Variants in MOCS1 observed in about 807,000 individuals in gnomAD.
The protein encoded by MOCS1 is molybdenum cofactor synthesis 1.
MOCS1 carries 39 observed loss-of-function variants against 57.6 expected under a neutral mutation model. The ratio of observed to expected loss-of-function variants is 0.68; its 90% CI spans 0.52 to 0.88. The LOEUF (loss-of-function observed/expected upper bound fraction) is 0.88. MOCS1 is among the 40% of genes least tolerant of loss of function. The pLI, the probability that MOCS1 is intolerant of heterozygous loss-of-function variation, is 0.00. For missense variants in MOCS1, 795 were observed against 831.1 expected (o/e 0.96, Z 0.53); for synonymous variants, 334 against 335.7 (o/e 1.00, Z 0.05).
chr6:39,913,438 G>T lies in MOCS1; in HGVS notation c.646-10C>A. 6.2e-7 allele frequency: 1 copy of T among 1,611,190 alleles called. No individual in the cohort carries two copies. Among genetic ancestry groups the T allele is most frequent in the Non-Finnish European group, 8.5e-7 (1 of 1,177,348 alleles). On this transcript the variant is annotated splice_polypyrimidine_tract_variant and intron_variant, in intron 5 of 10. Coordinates refer to ENST00000340692, the MANE Select transcript of MOCS1 (RefSeq NM_001358530.2). ...TCACCACACAGTTCACCTGGCCGGG[G>T]AACAATGGGACCATGAGGGCTGTGC...
chr6:39,911,875 G>A (rs1346652681), intron 8 of MOCS1, among the ~76,000 whole-genome samples: 1 of 152,214 alleles, frequency 6.6e-6, no homozygotes, highest in Non-Finnish European at 1.5e-5. Flanking sequence ...GAATGCACAG[G>A]ACATGCTTGT....
intron 4 of MOCS1, among the ~76,000 whole-genome samples, chr6:39,914,164 T>C (rs1365498999): frequency 1.3e-5 from 2 of 152,264 alleles, no homozygotes; most frequent in Admixed American, 1.3e-4. Flanking sequence ...TAATGTTCCC[T>C]ATCATTAACT....
intron 1 of MOCS1, among the ~76,000 whole-genome samples, chr6:39,931,940 C>T (rs1030804935): frequency 3.3e-5 from 5 of 152,150 alleles, no homozygotes; most frequent in African/African-American, 4.8e-5. Flanking sequence ...ACCCCAGATG[C>T]AGGCTGGCAG....
chr6:39,927,479 A>C, intron 1 of MOCS1, 24 bp from the exon 2 acceptor site: 1 of 1,610,166 alleles, frequency 6.2e-7, no homozygotes, highest in Middle Eastern at 1.7e-4. Context: ...CCAGGGAGGA[A>C]GCATGGGCCC....
Position 39,906,992 on chromosome 6 carries a change from C to G in MOCS1, c.1276G>C (p.Gly426Arg), listed in dbSNP as rs777405686. ...GGAGGGGTCTGGGGGACCCTGCATC[C>G]TTTCCATAAAGTGGCCACCTGGCTG... ...FSSQVATLWK[G>R]CRVPQTPPLA... Residue 426 changes from glycine (G) to arginine (R), a missense_variant, in exon 11 of 11, where the codon GGA (glycine) becomes CGA (arginine). By Grantham distance (125) the Gly-to-Arg change is moderately radical (BLOSUM62 -2). Coordinates refer to ENST00000340692, the MANE Select transcript of MOCS1 (RefSeq NM_001358530.2). 3 of 1,614,098 alleles carry G rather than the reference C, an allele frequency of 1.9e-6. No homozygotes were observed. The Admixed American group carries it at 5.0e-5, about 27-fold the overall frequency.
chr6:39,918,095 C>T (rs1330821047), intron 3 of MOCS1, among the ~76,000 whole-genome samples: 2 of 152,210 alleles, frequency 1.3e-5, no homozygotes, highest in African/African-American at 4.8e-5. Flanking sequence ...CTTTCTATAA[C>T]AAACACGTTT....
chr6:39,927,767 C>T lies in MOCS1; in HGVS notation c.124-312G>A, dbSNP rs534095190. On this transcript the variant is annotated intron_variant, in intron 1 of 10. Coordinates refer to ENST00000340692, the MANE Select transcript of MOCS1 (RefSeq NM_001358530.2). Reference sequence around the variant, plus strand: ...GTGGGGAAATCTATTAGCCCTTATTCTTCACTCTAGCCAGTGCCAAAAAAA... The same window carrying T: ...GTGGGGAAATCTATTAGCCCTTATTTTTCACTCTAGCCAGTGCCAAAAAAA... The T allele has an allele frequency of 3.9e-3, 5,702 of 1,474,178 alleles. 19 individuals are homozygous for T. The highest frequency in any genetic ancestry group is 0.013 in the Middle Eastern group (51 of 4,064). 91.3% of individuals were successfully genotyped at this position (1,474,178 alleles called of 1,614,324 possible). A position where few individuals can be genotyped will look rare whatever the true frequency, so the allele number is the denominator to read the frequency against.
intron 3 of MOCS1, among the ~76,000 whole-genome samples, chr6:39,923,426 G>A (rs898358187): frequency 2.4e-4 from 36 of 152,214 alleles, no homozygotes; most frequent in Non-Finnish European, 1.2e-4. Flanking sequence ...GGGGTTTCCC[G>A]GGAGAGCCCC....
At position 39,906,847 on chromosome 6, in the gene MOCS1, C is replaced by T. The variant is rs1275332879; in HGVS notation, c.1421G>A (p.Gly474Glu). The change falls in exon 11 of 11, where the codon GGA becomes GAA. Residue 474 changes from glycine (G) to glutamate (E), a missense_variant. By Grantham distance (98) the Gly-to-Glu change is moderately conservative (BLOSUM62 -2). This residue lies in a region of MOCS1 where 374 missense variants were observed against 422.6 expected (regional missense o/e 0.89). Coordinates refer to ENST00000340692, the MANE Select transcript of MOCS1 (RefSeq NM_001358530.2). The stretch of plus-strand genomic sequence containing the variant: ...TAGTTGTTCTGAGGTTAGCTGGGGT[C>T]CTGAGGGGGCAGCAGAAGCCCAGGA... ...PGSWASAAPSGPQLTSEQLTH... is the reference protein window; with the variant it reads ...PGSWASAAPSEPQLTSEQLTH... The T allele has an allele frequency of 3.7e-6, 6 of 1,614,190 alleles. No homozygotes were observed. Among genetic ancestry groups the T allele is most frequent in the East Asian group, 2.2e-5 (1 of 44,876 alleles).
At position 39,906,754 on chromosome 6, in the gene MOCS1, AC is replaced by A. The variant is rs1223918619; in HGVS notation, c.1513del (p.Val505TrpfsTer13). Reference sequence around the variant, plus strand: ...GAGGACCACGGCTGAAGCCACAGCCACCCGCTCTGTGTCTGGCTTCCTGCCC... The same window carrying A: ...GAGGACCACGGCTGAAGCCACAGCCACCGCTCTGTGTCTGGCTTCCTGCCC... ...DVGRKPDTERVAVASAVVLLG... is the reference protein window; with the variant it reads ...DVGRKPDTERXAVASAVVLLG... On this transcript the variant is annotated frameshift_variant, in exon 11 of 11. Coordinates refer to ENST00000340692, the MANE Select transcript of MOCS1 (RefSeq NM_001358530.2). LOFTEE classifies it high-confidence loss of function. The A allele has an allele frequency of 6.2e-7, 1 of 1,614,164 alleles. No individual in the cohort carries two copies. Among genetic ancestry groups the A allele is most frequent in the Non-Finnish European group, 8.5e-7 (1 of 1,180,032 alleles).
chr6:39,909,814 C>A (rs778425508), intron 9 of MOCS1, 21 bp downstream of exon 9: 3 of 1,611,254 alleles, frequency 1.9e-6, no homozygotes, highest in African/African-American at 1.3e-5. Context: ...TCCAGGCCAG[C>A]CCTCCCCACC....
chr6:39,928,531 AC>A (rs1394976051), intron 1 of MOCS1, among the ~76,000 whole-genome samples: 1 of 152,190 alleles, frequency 6.6e-6, no homozygotes, highest in African/African-American at 2.4e-5. Context: ...GAGGATGACA[AC>A]TAGGGTGGGT....
At chr6:39,913,914 C>A in intron 4 of MOCS1, 79 bp from the exon 5 acceptor site, 1 of 1,413,132 alleles carries the variant, frequency 7.1e-7, no homozygotes, top group Non-Finnish European at 1.0e-6. Context: ...AGCACCAGAG[C>A]CCATCTAGTC....
At position 39,924,908 on chromosome 6, in the gene MOCS1, G is replaced by C. The variant is rs939790102; in HGVS notation, c.418+770C>G. Among the ~76,000 whole-genome samples, 4 of 152,056 alleles carry C rather than the reference G, an allele frequency of 2.6e-5. 1 individual carries two copies. The South Asian group carries it at 6.2e-4, about 24-fold the overall frequency. ...AGCTTAGCCAACATGGTGAAACCCCGTCTCTGCTAAAAACACAAAAAATTA... is the reference window on the plus strand; with the variant it reads ...AGCTTAGCCAACATGGTGAAACCCCCTCTCTGCTAAAAACACAAAAAATTA... On this transcript the variant is annotated intron_variant, in intron 3 of 10. Transcript: ENST00000340692.
At chr6:39,924,709 C>T (rs79898232) in intron 3 of MOCS1, among the ~76,000 whole-genome samples, 2,556 of 152,312 alleles carry the variant, frequency 0.017, 35 homozygotes, top group Middle Eastern at 0.041. Context: ...TTAATAGACA[C>T]TGAACATATA....
chr6:39,905,928 C>T lies in MOCS1; in HGVS notation c.*429G>A. ...TCAGGCAAGCTTGTGCTTTGCTCTCCTCAAAGTGGGCTCCTCTGCTTAATG... is the reference window on the plus strand; with the variant it reads ...TCAGGCAAGCTTGTGCTTTGCTCTCTTCAAAGTGGGCTCCTCTGCTTAATG... On this transcript the variant is annotated 3_prime_UTR_variant, in exon 11 of 11. Coordinates refer to ENST00000340692, the MANE Select transcript of MOCS1 (RefSeq NM_001358530.2). 2.2e-6 allele frequency: 1 copy of T among 464,022 alleles called. No individual in the cohort carries two copies. Among genetic ancestry groups the T allele is most frequent in the Non-Finnish European group, 4.4e-6 (1 of 227,506 alleles). 28.7% of individuals were successfully genotyped at this position (464,022 alleles called of 1,614,324 possible).
In MOCS1 at chr6:39,913,337, A is replaced by T; in HGVS notation, c.737T>A (p.Ile246Lys). 1 of 1,614,086 alleles carries T rather than the reference A, an allele frequency of 6.2e-7. No individual in the cohort carries two copies. Among genetic ancestry groups the T allele is most frequent in the Non-Finnish European group, 8.5e-7 (1 of 1,179,950 alleles). The change falls in exon 6 of 11, where the codon ATA becomes AAA. Residue 246 changes from isoleucine to lysine, a missense_variant. Around this residue, in one of 3 missense-constraint regions of MOCS1, gnomAD observed 416 missense variants for 392.4 expected, o/e 1.06. Transcript: ENST00000340692. The part of the protein sequence containing the change: ...TEGLPLDVRF[I>K]EYMPFDGNKW... ...CTGACCATCAAAGGGCATATACTCT[A>T]TGAAGCGCACATCCAGGGGGAGGCC...
chr6:39,931,973 C>T (rs1276835243), intron 1 of MOCS1, among the ~76,000 whole-genome samples: 2 of 152,154 alleles, frequency 1.3e-5, no homozygotes, highest in African/African-American at 2.4e-5. Flanking sequence ...CCCCCACCCA[C>T]CTCCCCATTG....
rs766980859 is a variant in MOCS1, at chr6:39,909,857, G to A, written c.1080C>T (p.Gly360=). 7.4e-6 allele frequency: 12 copies of A among 1,613,512 alleles called. No homozygotes were observed. In the Admixed American group the frequency reaches 8.3e-5, roughly 11 times the overall value. The part of the protein sequence containing the change: ...ELLRIIGAAV[G]RKKRQHAGMF... ...TACCTGCATGCTGCCGCTTCTTCCT[G>A]CCCACAGCAGCCCCAATGATTCTCA... The change falls in exon 9 of 11, where the codon GGC becomes GGT. Residue 360 remains glycine (G), a synonymous_variant. Coordinates refer to ENST00000340692, the MANE Select transcript of MOCS1 (RefSeq NM_001358530.2).
Sources: gnomAD v4.1 joint callset for allele counts (sites outside exome capture counted in the v4.1 genomes callset) on GRCh38, gnomAD v4.1.1 for gene constraint, gnomAD v4.1.1 regional missense constraint, MANE v1.5 for transcripts, NCBI Gene and HGNC (gene_info 2026-07-23, HGNC 2026-07-21) for gene names.